OTOGL: variants seen among roughly 807,000 people sequenced by gnomAD.
The protein encoded by OTOGL is otogelin-like protein.
Under a neutral mutation model 318.5 loss-of-function variants are expected in OTOGL, and 285 were observed. The observed-to-expected ratio is 0.89, with a 90% CI of 0.81 to 0.99. OTOGL has a LOEUF of 0.99. Among genes scored for constraint, OTOGL ranks in the 50% least tolerant of loss-of-function variants. The probability of loss-of-function intolerance (pLI) is 0.00; values close to 1 mark genes in which losing one functional copy is unlikely to be tolerated. For synonymous variants in OTOGL, 987 were observed against 936.5 expected (o/e 1.05, Z -0.99); for missense variants, 2,899 against 2,845.6 (o/e 1.02, Z -0.43).
intron 52 of OTOGL, among the ~76,000 whole-genome samples, chr12:80,364,041 A>T (rs1043838796): frequency 2.0e-5 from 3 of 152,114 alleles, no homozygotes; most frequent in African/African-American, 7.2e-5. Flanking sequence ...CTCAACCCTC[A>T]ATGTCTGAAT....
rs372762597 is a variant in OTOGL at position 80,353,558 on chromosome 12, C to G, written c.5593+48C>G. 61 of 1,306,950 alleles carry G rather than the reference C, an allele frequency of 4.7e-5. 1 individual carries two copies. The Middle Eastern group carries it at 1.1e-3, about 23-fold the overall frequency. The allele number at this position is 1,306,950 out of a possible 1,614,324, so 81.0% of individuals were successfully genotyped here. ...ACTTCTCAGGAATCCGGCAAACAAACAAAAACATTTTTTAGATATTGCAGA... is the reference window on the plus strand; with the variant it reads ...ACTTCTCAGGAATCCGGCAAACAAAGAAAAACATTTTTTAGATATTGCAGA... On this transcript the variant is annotated intron_variant, in intron 46 of 58. Transcript: ENST00000547103.
At chr12:80,303,045 A>C (rs1885871144) in intron 28 of OTOGL, among the ~76,000 whole-genome samples, 1 of 152,214 alleles carries the variant, frequency 6.6e-6, no homozygotes, top group Admixed American at 6.5e-5. Flanking sequence ...CTTCAGCTTA[A>C]TTATGTGATC....
intron 26 of OTOGL, among the ~76,000 whole-genome samples, chr12:80,282,031 A>G (rs145671167): frequency 5.1e-4 from 77 of 152,008 alleles, no homozygotes; most frequent in African/African-American, 1.7e-3. Context: ...GGTAAACTCC[A>G]GGCTTTATAT....
Position 80,323,842 on chromosome 12 carries a change from T to A in OTOGL, c.4199+2T>A. 1 of 1,597,472 alleles carries A rather than the reference T, an allele frequency of 6.3e-7. No homozygotes were observed. The highest frequency in any genetic ancestry group is 8.6e-7 in the Non-Finnish European group (1 of 1,165,018). ...ACTAGCATGTAAATTTCTTCCACCGTAAGTAACGTTTACCAATAAGTGATC... is the reference window on the plus strand; with the variant it reads ...ACTAGCATGTAAATTTCTTCCACCGAAAGTAACGTTTACCAATAAGTGATC... On this transcript the variant is annotated splice_donor_variant, in intron 35 of 58. Coordinates refer to ENST00000547103, the MANE Select transcript of OTOGL (RefSeq NM_001378609.3). LOFTEE classifies it high-confidence loss of function.
chr12:80,212,908 C>CT (rs35262598), intron 4 of OTOGL, among the ~76,000 whole-genome samples: 61,357 of 151,676 alleles, frequency 0.4, 14,798 homozygotes, highest in Admixed American at 0.56. Context: ...GAGTAGAGAC[C>CT]TTTTTTTTGT....
At chr12:80,210,917 A>G (rs1281498452) in intron 3 of OTOGL, 31 bp downstream of exon 3, 1 of 1,419,452 alleles carries the variant, frequency 7.0e-7, no homozygotes, top group Admixed American at 2.3e-5. Context: ...GTGTCCTCTA[A>G]AACATAAAGT....
intron 11 of OTOGL, 58 bp from the exon 12 acceptor site, chr12:80,251,635 G>T (rs911126098): frequency 1.5e-6 from 2 of 1,362,674 alleles, no homozygotes; most frequent in Admixed American, 2.0e-5. Flanking sequence ...GGACCTCAAT[G>T]GTATGGTTTC....
At chr12:80,126,219 T>C (rs1418147751) in intron 1 of OTOGL, among the ~76,000 whole-genome samples, 9 of 152,246 alleles carry the variant, frequency 5.9e-5, no homozygotes, top group East Asian at 1.9e-4. Flanking sequence ...GAATGTGTCC[T>C]AGAGATTCTG....
chr12:80,249,981 C>T (rs1251567393), intron 11 of OTOGL, among the ~76,000 whole-genome samples: 2 of 152,120 alleles, frequency 1.3e-5, no homozygotes, highest in Non-Finnish European at 2.9e-5. Context: ...TCCCTGACCC[C>T]TTGCGCTTCC....
In OTOGL at chr12:80,200,798, G is replaced by A. The variant is rs184057561; in HGVS notation, c.-19-8615G>A. On this transcript the variant is annotated intron_variant, in intron 1 of 58. Transcript: ENST00000547103. The stretch of plus-strand genomic sequence containing the variant: ...AATGAGGAAAAGAAGATATTATAAT[G>A]TGTGTCATGCCCTCAAAAATTCATA... Among the ~76,000 whole-genome samples the A allele has an allele frequency of 8.4e-4, 128 of 152,270 alleles. 2 individuals are homozygous for A. The highest frequency in any genetic ancestry group is 2.9e-3 in the African/African-American group (122 of 41,542).
chr12:80,242,653 A>G (rs1880481363), intron 11 of OTOGL, among the ~76,000 whole-genome samples: 1 of 152,120 alleles, frequency 6.6e-6, no homozygotes, highest in African/African-American at 2.4e-5. Flanking sequence ...ATTGAATTCA[A>G]TTCAACACAC....
At chr12:80,230,210 G>A (rs924824149) in intron 8 of OTOGL, among the ~76,000 whole-genome samples, 3 of 152,150 alleles carry the variant, frequency 2.0e-5, no homozygotes, top group African/African-American at 7.2e-5. Context: ...AACCCGTGTT[G>A]CTTTTTCTGG....
intron 8 of OTOGL, among the ~76,000 whole-genome samples, chr12:80,231,672 T>C (rs1592580141): frequency 6.6e-6 from 1 of 152,282 alleles, no homozygotes; most frequent in South Asian, 2.1e-4. Context: ...TCTCACTCTG[T>C]TGCCCAGTCT....
chr12:80,369,928 T>C (rs1890776352), intron 55 of OTOGL, among the ~76,000 whole-genome samples: 1 of 152,066 alleles, frequency 6.6e-6, no homozygotes, highest in Non-Finnish European at 1.5e-5. Context: ...AAAATAAAAA[T>C]ATAGATTAAC....
intron 1 of OTOGL, among the ~76,000 whole-genome samples, chr12:80,178,156 G>T (rs1284080032): frequency 6.9e-6 from 1 of 143,930 alleles, no homozygotes; most frequent in African/African-American, 2.6e-5. Context: ...TGCCTCCTGG[G>T]TTCAAGTGAT....
intron 1 of OTOGL, among the ~76,000 whole-genome samples, chr12:80,197,805 G>C (rs1876181817): frequency 6.6e-6 from 1 of 152,208 alleles, no homozygotes; most frequent in Non-Finnish European, 1.5e-5. Flanking sequence ...AGTCCCTCTG[G>C]ATGTGAGCGA....
intron 9 of OTOGL, among the ~76,000 whole-genome samples, chr12:80,233,898 T>C (rs1879603048): frequency 6.6e-6 from 1 of 152,206 alleles, no homozygotes; most frequent in Non-Finnish European, 1.5e-5. Flanking sequence ...AAAATGGGGC[T>C]ATGCTAATTT....
At chr12:80,341,518 T>C (rs933254724) in intron 43 of OTOGL, among the ~76,000 whole-genome samples, 5 of 152,160 alleles carry the variant, frequency 3.3e-5, no homozygotes, top group African/African-American at 1.2e-4. Context: ...GAAAAATATT[T>C]AATATTTTCA....
intron 30 of OTOGL, 150 bp from the exon 31 acceptor site, chr12:80,313,326 A>G: frequency 3.0e-6 from 2 of 664,950 alleles, no homozygotes; most frequent in Non-Finnish European, 2.5e-6. Flanking sequence ...CCTTTGGGCA[A>G]TAAAGAGGCT....
Sources: allele counts gnomAD v4.1 joint callset (sites outside exome capture counted in the v4.1 genomes callset), GRCh38; gene constraint gnomAD v4.1.1; transcripts MANE v1.5; gene names NCBI Gene and HGNC (gene_info 2026-07-23, HGNC 2026-07-21).